Variants in EEIG2 observed in about 807,000 individuals in gnomAD.
EEIG2 encodes the protein family with sequence similarity 102 member B.
the EEIG2 span, among the ~76,000 whole-genome samples, chr1:108,572,846 A>G: frequency 3.9e-5 from 6 of 152,238 alleles, 1 homozygote; most frequent in Non-Finnish European, 8.8e-5. Context: ...AGAATGTCCT[A>G]TAGTTGGAAA....
At chr1:108,576,645 C>G in the EEIG2 span, among the ~76,000 whole-genome samples, 1 of 146,304 alleles carries the variant, frequency 6.8e-6, no homozygotes, top group South Asian at 2.2e-4. Flanking sequence ...TTTATGGCTG[C>G]ATAGTATTCC....
the EEIG2 span, among the ~76,000 whole-genome samples, chr1:108,565,349 G>T: frequency 6.6e-6 from 1 of 152,194 alleles, no homozygotes; most frequent in Admixed American, 6.5e-5. Flanking sequence ...ATAGCCTGTT[G>T]CTCTGACCAC....
the EEIG2 span, chr1:108,629,655 T>C: frequency 1.2e-6 from 2 of 1,606,566 alleles, no homozygotes; most frequent in Admixed American, 1.7e-5. Context: ...ATCTTCCAAA[T>C]AGGTAAGTAG....
chr1:108,617,043 A>C, the EEIG2 span, among the ~76,000 whole-genome samples: 6 of 152,158 alleles, frequency 3.9e-5, no homozygotes, highest in Non-Finnish European at 7.3e-5. Context: ...TAGGGGGAAG[A>C]GTATTTGAGG....
At chr1:108,572,035 TCTGA>T in the EEIG2 span, among the ~76,000 whole-genome samples, 18 of 152,338 alleles carry the variant, frequency 1.2e-4, no homozygotes, top group African/African-American at 4.3e-4. Context: ...AATCCTGCAC[TCTGA>T]CTGCTGCCCC....
the EEIG2 span, chr1:108,636,539 G>A: frequency 6.6e-6 from 1 of 152,078 alleles, no homozygotes; most frequent in African/African-American, 2.4e-5. Context: ...GTTAATATTA[G>A]AACTTATGTT....
At chr1:108,608,965 T>A in the EEIG2 span, among the ~76,000 whole-genome samples, 2 of 152,206 alleles carry the variant, frequency 1.3e-5, no homozygotes, top group African/African-American at 4.8e-5. Flanking sequence ...TTTGTCTTTT[T>A]AAAAGGGCAT....
At chr1:108,621,876 C>T in the EEIG2 span, among the ~76,000 whole-genome samples, 1 of 151,810 alleles carries the variant, frequency 6.6e-6, no homozygotes, top group Non-Finnish European at 1.5e-5. Flanking sequence ...GAAAATACAG[C>T]CCGAGCGTGG....
the EEIG2 span, chr1:108,638,680 C>G: frequency 2.5e-4 from 1 of 3,948 alleles, no homozygotes; most frequent in Non-Finnish European, 4.7e-3. Context: ...TGTGTTATGC[C>G]ACTACTCATG....
chr1:108,612,922 G>A, the EEIG2 span, among the ~76,000 whole-genome samples: 1 of 152,200 alleles, frequency 6.6e-6, no homozygotes, highest in African/African-American at 2.4e-5. Flanking sequence ...TAATAAGAAA[G>A]GAAAATAGTT....
the EEIG2 span, among the ~76,000 whole-genome samples, chr1:108,603,499 AGG>A: frequency 1.3e-5 from 2 of 152,218 alleles, no homozygotes; most frequent in Non-Finnish European, 2.9e-5. Flanking sequence ...TCTTGGATGA[AGG>A]TGATCTGCCT....
the EEIG2 span, among the ~76,000 whole-genome samples, chr1:108,592,153 A>G: frequency 1.3e-5 from 2 of 152,116 alleles, no homozygotes; most frequent in African/African-American, 4.8e-5. Flanking sequence ...GCTTCAGGGA[A>G]GAGATATTGA....
chr1:108,612,697 G>T, the EEIG2 span, among the ~76,000 whole-genome samples: 2 of 152,198 alleles, frequency 1.3e-5, no homozygotes, highest in African/African-American at 4.8e-5. Context: ...GTGACAGATG[G>T]AACCCACTTC....
chr1:108,598,272 T>C, the EEIG2 span, among the ~76,000 whole-genome samples: 1 of 142,280 alleles, frequency 7.0e-6, no homozygotes, highest in Non-Finnish European at 1.5e-5. Flanking sequence ...AGGCGGAGGT[T>C]GCAGTGAGCC....
the EEIG2 span, among the ~76,000 whole-genome samples, chr1:108,580,315 C>T: frequency 6.6e-6 from 1 of 152,132 alleles, no homozygotes; most frequent in Non-Finnish European, 1.5e-5. Context: ...CTCCCTTCCC[C>T]TTCTGGGACC....
chr1:108,563,860 A>G, the EEIG2 span, among the ~76,000 whole-genome samples: 1 of 152,232 alleles, frequency 6.6e-6, no homozygotes, highest in Non-Finnish European at 1.5e-5. Flanking sequence ...CAGACAATAT[A>G]TTGAGTGTTG....
chr1:108,614,821 T>A, the EEIG2 span, among the ~76,000 whole-genome samples: 1 of 152,352 alleles, frequency 6.6e-6, no homozygotes, highest in East Asian at 1.9e-4. Context: ...ACCTCTCATC[T>A]TCTTCAACTA....
the EEIG2 span, among the ~76,000 whole-genome samples, chr1:108,631,527 G>T: frequency 3.3e-3 from 500 of 152,342 alleles, 2 homozygotes; most frequent in African/African-American, 0.011. Flanking sequence ...GTTCACACTT[G>T]AAGAGAGACT....
chr1:108,599,526 G>C, the EEIG2 span, among the ~76,000 whole-genome samples: 11 of 152,138 alleles, frequency 7.2e-5, no homozygotes, highest in Admixed American at 3.9e-4. Context: ...ACAGCAGAGA[G>C]AACAGTATGT....
Sources: allele counts gnomAD v4.1 joint callset (sites outside exome capture counted in the v4.1 genomes callset), GRCh38; gene constraint gnomAD v4.1.1; transcripts MANE v1.5; gene names NCBI Gene and HGNC (gene_info 2026-07-23, HGNC 2026-07-21).